PLEKHA6: variants seen among roughly 807,000 people sequenced by gnomAD.
The protein encoded by PLEKHA6 is pleckstrin homology domain containing A6, also known as pleckstrin homology domain-containing family A member 6.
A neutral mutation model predicts 116.7 loss-of-function variants in PLEKHA6; 60 were observed. That is an observed-to-expected ratio of 0.51 (90% CI 0.42 to 0.64). The LOEUF is 0.64. Among genes scored for constraint, PLEKHA6 ranks in the 30% least tolerant of loss-of-function variants. PLEKHA6 has a pLI of 0.00. For synonymous variants in PLEKHA6, 489 were observed against 556.1 expected (o/e 0.88, Z 1.70); for missense variants, 1,338 against 1,422.7 (o/e 0.94, Z 0.96).
chr1:204,277,675 G>T lies in PLEKHA6; in HGVS notation c.-94-2866C>A, dbSNP rs1668162229. The T allele has an allele frequency of 6.6e-6, 1 of 152,204 alleles. No homozygotes were observed. The highest frequency in any genetic ancestry group is 6.5e-5 in the Admixed American group (1 of 15,294). 9.4% of individuals were successfully genotyped at this position (152,204 alleles called of 1,614,324 possible). ...TTCATCTGCTGTTATTGCTGCCGCT[G>T]CTGAGAAGCTGAGATTGATTGAGCA... is the stretch of plus-strand genomic sequence containing the variant. On this transcript the variant is annotated intron_variant, in intron 1 of 22. Coordinates refer to ENST00000272203, the MANE Select transcript of PLEKHA6 (RefSeq NM_014935.5). This position sits in a 1 kb window ranked among gnomAD's most constrained non-coding sequence, Gnocchi z 4.1.
intron 1 of PLEKHA6, among the ~76,000 whole-genome samples, chr1:204,283,492 G>A (rs1668853261): frequency 6.6e-6 from 1 of 152,170 alleles, no homozygotes; most frequent in African/African-American, 2.4e-5. Context: ...TGCAATCTCT[G>A]GTCCTTACAC....
At chr1:204,317,663 C>T (rs1671909313) in intron 1 of PLEKHA6, among the ~76,000 whole-genome samples, 1 of 152,224 alleles carries the variant, frequency 6.6e-6, no homozygotes, top group Admixed American at 6.5e-5. Flanking sequence ...GCTTTGGAAT[C>T]ATCGGTGGGT....
intron 6 of PLEKHA6, among the ~76,000 whole-genome samples, chr1:204,264,724 A>C (rs1399713057): frequency 6.6e-6 from 1 of 152,052 alleles, no homozygotes; most frequent in South Asian, 2.1e-4. Context: ...CCAAGAGAGG[A>C]GGAAGGTCCC....
At chr1:204,297,076 T>C (rs532503793) in intron 1 of PLEKHA6, 3 of 982,076 alleles carry the variant, frequency 3.1e-6, no homozygotes, top group East Asian at 2.3e-4. Flanking sequence ...ACCAGCTCCA[T>C]GGAGAGAGAA....
chr1:204,285,473 G>GTT (rs1221529127), intron 1 of PLEKHA6, among the ~76,000 whole-genome samples: 23 of 128,720 alleles, frequency 1.8e-4, no homozygotes, highest in Non-Finnish European at 4.0e-4. Context: ...TTTTTTGGTT[G>GTT]TTTTTGTTTT....
rs1394797683 is a variant in PLEKHA6 at position 204,261,615 on chromosome 1, A to G, written c.382-167T>C. 7.0e-6 allele frequency: 5 copies of G among 711,204 alleles called. No homozygotes were observed. The African/African-American group carries it at 7.2e-5, about 10-fold the overall frequency. 44.1% of individuals were successfully genotyped at this position (711,204 alleles called of 1,614,324 possible). ...AGCTCAGGAGCAAGGTGAAGAGGGCAGCTTGCAGCTACCCCGAGGGTTCCA... is the reference window on the plus strand; with the variant it reads ...AGCTCAGGAGCAAGGTGAAGAGGGCGGCTTGCAGCTACCCCGAGGGTTCCA... On this transcript the variant is annotated intron_variant, in intron 6 of 22. Transcript: ENST00000272203. This position sits in a 1 kb window ranked among gnomAD's most constrained non-coding sequence, Gnocchi z 4.0.
intron 1 of PLEKHA6, among the ~76,000 whole-genome samples, chr1:204,286,441 G>A (rs1234328022): frequency 6.6e-6 from 1 of 152,112 alleles, no homozygotes; most frequent in Non-Finnish European, 1.5e-5. Flanking sequence ...AGGAGGAAAG[G>A]GAAAGGGATG....
At chr1:204,279,376 C>G (rs916380829) in intron 1 of PLEKHA6, among the ~76,000 whole-genome samples, 1 of 152,192 alleles carries the variant, frequency 6.6e-6, no homozygotes, top group African/African-American at 2.4e-5. Flanking sequence ...AGTTCTTTCC[C>G]TTTGCCAATA....
chr1:204,240,073 G>A (rs966823417), intron 17 of PLEKHA6, among the ~76,000 whole-genome samples: 8 of 152,188 alleles, frequency 5.3e-5, no homozygotes, highest in Admixed American at 3.9e-4. Context: ...GGCTAAGAAG[G>A]GAGTTATAGT....
At chr1:204,281,461 C>T (rs536040673) in intron 1 of PLEKHA6, among the ~76,000 whole-genome samples, 1 of 152,098 alleles carries the variant, frequency 6.6e-6, no homozygotes, top group East Asian at 1.9e-4. Flanking sequence ...GGAGGTGGAG[C>T]TTGCAGTGAG....
chr1:204,266,837 C>T (rs1218462781), intron 5 of PLEKHA6, among the ~76,000 whole-genome samples: 2 of 152,178 alleles, frequency 1.3e-5, no homozygotes, highest in African/African-American at 4.8e-5. Context: ...ATCCACATGG[C>T]GCCACCATCA....
chr1:204,294,796 C>T (rs932682587), intron 1 of PLEKHA6, among the ~76,000 whole-genome samples: 17 of 152,176 alleles, frequency 1.1e-4, no homozygotes, highest in African/African-American at 4.1e-4. Context: ...GGGTTCGTCA[C>T]AGGAGTAAAT....
At chr1:204,323,462 C>A (rs1188128400) in intron 1 of PLEKHA6, among the ~76,000 whole-genome samples, 1 of 152,240 alleles carries the variant, frequency 6.6e-6, no homozygotes, top group African/African-American at 2.4e-5. Context: ...AGGCAAGTGG[C>A]CTTTGCCCCA....
At chr1:204,229,133 C>A (rs753664780) in intron 18 of PLEKHA6, 29 bp from the exon 19 acceptor site, 2 of 1,600,750 alleles carry the variant, frequency 1.2e-6, no homozygotes, top group East Asian at 2.2e-5. Context: ...GTGATTGCAC[C>A]ATGGCTACCC....
chr1:204,319,716 G>A (rs144499143), intron 1 of PLEKHA6, among the ~76,000 whole-genome samples: 2 of 152,280 alleles, frequency 1.3e-5, no homozygotes, highest in Non-Finnish European at 2.9e-5. Context: ...GGCAGTGGCC[G>A]TGTCTTACTC....
intron 1 of PLEKHA6, among the ~76,000 whole-genome samples, chr1:204,346,357 C>G (rs1252706337): frequency 2.0e-5 from 3 of 152,176 alleles, no homozygotes; most frequent in Non-Finnish European, 2.9e-5. Flanking sequence ...CTCTCACCCC[C>G]CTAGAGGAGG....
Position 204,257,974 on chromosome 1 carries a change from A to G in PLEKHA6, c.1008-105T>C. 1 of 978,692 alleles carries G rather than the reference A, an allele frequency of 1.0e-6. No individual in the cohort carries two copies. Among genetic ancestry groups the G allele is most frequent in the South Asian group, 1.7e-5 (1 of 59,838 alleles). 60.6% of individuals were successfully genotyped at this position (978,692 alleles called of 1,614,324 possible). The stretch of plus-strand genomic sequence containing the variant: ...CCAGCCTAGAGCAGGGTGCTTGAAT[A>G]GGTACACAGGGGCTGAGGTTTATTC... On this transcript the variant is annotated intron_variant, in intron 8 of 22. Transcript: ENST00000272203. This position sits in a 1 kb window ranked among gnomAD's most constrained non-coding sequence, Gnocchi z 6.5.
At chr1:204,314,086 T>G (rs1400330711) in intron 1 of PLEKHA6, among the ~76,000 whole-genome samples, 1 of 152,064 alleles carries the variant, frequency 6.6e-6, no homozygotes, top group African/African-American at 2.4e-5. Context: ...AGGGACAGGA[T>G]CTTCTGAGGG....
intron 1 of PLEKHA6, among the ~76,000 whole-genome samples, chr1:204,315,622 CAT>C (rs1324370636): frequency 3.3e-5 from 5 of 152,198 alleles, no homozygotes; most frequent in African/African-American, 7.2e-5. Flanking sequence ...AAGTTGTAGG[CAT>C]ATGTTAGCCA....
Sources: allele counts gnomAD v4.1 joint callset (sites outside exome capture counted in the v4.1 genomes callset), GRCh38; gene constraint gnomAD v4.1.1; non-coding constraint Gnocchi (gnomAD v3.1); transcripts MANE v1.5; gene names NCBI Gene and HGNC (gene_info 2026-07-23, HGNC 2026-07-21).